STAM: variants seen among roughly 807,000 people sequenced by gnomAD.
STAM encodes signal transducing adapter molecule 1.
STAM carries 16 observed loss-of-function variants against 63.4 expected under a neutral mutation model. That is an observed-to-expected ratio of 0.25 (90% CI 0.17 to 0.38). STAM has a LOEUF of 0.38. Among genes scored for constraint, STAM ranks in the 10% least tolerant of loss-of-function variants. The pLI is 1.00. For synonymous variants in STAM, 238 were observed against 223.9 expected, an observed-to-expected ratio of 1.06 and a Z score of -0.56; for missense variants, 636 against 657.1, an observed-to-expected ratio of 0.97 and a Z score of 0.35.
chr10:17,670,776 A>G (rs782381190), intron 2 of STAM, among the ~76,000 whole-genome samples: 1 of 152,016 alleles, frequency 6.6e-6, no homozygotes, highest in Middle Eastern at 3.4e-3. Flanking sequence ...ACGTTCCATT[A>G]TCTCATAAGA....
chr10:17,690,457 G>GAAAT (rs1835483000), intron 5 of STAM, among the ~76,000 whole-genome samples: 1 of 152,066 alleles, frequency 6.6e-6, no homozygotes, highest in Non-Finnish European at 1.5e-5. Context: ...TCACCTACAA[G>GAAAT]AAATACATAT....
intron 1 of STAM, among the ~76,000 whole-genome samples, chr10:17,655,518 G>A (rs782019129): frequency 1.3e-5 from 2 of 152,162 alleles, no homozygotes; most frequent in Non-Finnish European, 2.9e-5. Flanking sequence ...AGGTGATGCT[G>A]TGATATATAG....
chr10:17,684,666 T>C lies in STAM; in HGVS notation c.126-9T>C, dbSNP rs1181297011. The C allele has an allele frequency of 5.0e-6, 8 of 1,606,412 alleles. No individual in the cohort carries two copies. The highest frequency in any genetic ancestry group is 1.3e-5 in the African/African-American group (1 of 74,496). On this transcript the variant is annotated splice_polypyrimidine_tract_variant and intron_variant, in intron 2 of 13. Transcript: ENST00000377524. ...TATTAAGTAATTTTTACTTTTCTCA[T>C]TTTTTTAGACCTAAGGATTGTCTTC... is the stretch of plus-strand genomic sequence containing the variant.
At chr10:17,687,852 G>GT (rs1307354223) in intron 4 of STAM, among the ~76,000 whole-genome samples, 175 bp from the exon 5 acceptor site, 8 of 152,018 alleles carry the variant, frequency 5.3e-5, no homozygotes, top group African/African-American at 1.9e-4. Flanking sequence ...TATATGATGG[G>GT]TTTTTTCATA....
intron 9 of STAM, among the ~76,000 whole-genome samples, chr10:17,702,369 A>G (rs1836035732): frequency 6.6e-6 from 1 of 152,208 alleles, no homozygotes; most frequent in Non-Finnish European, 1.5e-5. Context: ...GTTCAAGGAA[A>G]AAAACAATTT....
chr10:17,685,724 T>C (rs561949232), intron 4 of STAM, among the ~76,000 whole-genome samples: 15 of 152,234 alleles, frequency 9.9e-5, no homozygotes, highest in African/African-American at 3.6e-4. Flanking sequence ...TGCAGCTGGC[T>C]AGGTCACAGA....
Position 17,696,818 on chromosome 10 carries a change from T to A in STAM, c.772T>A (p.Leu258Ile). 6.2e-7 allele frequency: 1 copy of A among 1,614,110 alleles called. No homozygotes were observed. The highest frequency in any genetic ancestry group is 8.5e-7 in the Non-Finnish European group (1 of 1,179,964). Residue 258 changes from leucine to isoleucine, a missense_variant, in exon 8 of 14, where the codon TTA becomes ATA. Leu to Ile is a conservative substitution (Grantham distance 5). Transcript: ENST00000377524. Reference protein sequence around the residue: ...WKGETHQGIGLFPSNFVTADL... With the variant: ...WKGETHQGIGIFPSNFVTADL... ...AGGTGAAACCCATCAAGGCATAGGG[T>A]TATTTCCTTCTAATTTTGTGACTGC...
chr10:17,656,600 G>T (rs1322409298), intron 1 of STAM, among the ~76,000 whole-genome samples: 2 of 152,178 alleles, frequency 1.3e-5, no homozygotes, highest in Non-Finnish European at 2.9e-5. Flanking sequence ...TACCTGGGAT[G>T]AATCTTAATT....
At chr10:17,711,796 T>G (rs1214120031) in intron 13 of STAM, among the ~76,000 whole-genome samples, 7 of 152,244 alleles carry the variant, frequency 4.6e-5, no homozygotes, top group Middle Eastern at 6.8e-3. Flanking sequence ...GAAGAATGCT[T>G]GTTCTAGATA....
chr10:17,679,419 G>A (rs1036648683), intron 2 of STAM, among the ~76,000 whole-genome samples: 5 of 152,166 alleles, frequency 3.3e-5, no homozygotes, highest in East Asian at 1.9e-4. Flanking sequence ...GTTGTTGTTC[G>A]TTGTTGAGAT....
At chr10:17,706,356 C>G (rs1272177965) in intron 12 of STAM, among the ~76,000 whole-genome samples, 2 of 139,836 alleles carry the variant, frequency 1.4e-5, no homozygotes, top group Admixed American at 1.4e-4. Flanking sequence ...TCAGAATCCT[C>G]AGGGTTGAGG....
intron 4 of STAM, among the ~76,000 whole-genome samples, chr10:17,687,303 C>T (rs1360419173): frequency 6.6e-6 from 1 of 151,990 alleles, no homozygotes; most frequent in African/African-American, 2.4e-5. Flanking sequence ...GGTAAAACCC[C>T]GCGTCTGCTA....
intron 7 of STAM, 57 bp from the exon 8 acceptor site, chr10:17,696,718 G>A (rs1554827538): frequency 2.4e-6 from 3 of 1,270,092 alleles, no homozygotes; most frequent in Admixed American, 3.6e-5. Flanking sequence ...AAAAGATAAA[G>A]ATGTACAGAA....
intron 2 of STAM, among the ~76,000 whole-genome samples, chr10:17,661,562 A>T (rs1554822882): frequency 6.6e-6 from 1 of 152,186 alleles, no homozygotes; most frequent in Non-Finnish European, 1.5e-5. Context: ...ATATCGTTCT[A>T]TATAAGCCTT....
Position 17,716,804 on chromosome 10 carries a change from T to G in STAM, c.*2024T>G, listed in dbSNP as rs535880746. Reference sequence around the variant, plus strand: ...TTACATTACTAGCCTTATAAAGGTTTAAATGATGAGTACTTTAAAACTGTT... The same window carrying G: ...TTACATTACTAGCCTTATAAAGGTTGAAATGATGAGTACTTTAAAACTGTT... On this transcript the variant is annotated 3_prime_UTR_variant, in exon 14 of 14. Coordinates refer to ENST00000377524, the MANE Select transcript of STAM (RefSeq NM_003473.4). Among the ~76,000 whole-genome samples the G allele has an allele frequency of 6.6e-6, 1 of 152,346 alleles. No homozygotes were observed. The highest frequency in any genetic ancestry group is 2.1e-4 in the South Asian group (1 of 4,828).
chr10:17,679,820 T>A (rs1835007131), intron 2 of STAM, among the ~76,000 whole-genome samples: 1 of 152,136 alleles, frequency 6.6e-6, no homozygotes, highest in Non-Finnish European at 1.5e-5. Context: ...GGTAGTTTCC[T>A]GTCTTTGTAG....
intron 2 of STAM, among the ~76,000 whole-genome samples, chr10:17,663,434 CATT>C (rs1554823105): frequency 6.6e-6 from 1 of 152,026 alleles, no homozygotes; most frequent in African/African-American, 2.4e-5. Flanking sequence ...TTTTAATTGA[CATT>C]ATACTAAGTC....
intron 13 of STAM, among the ~76,000 whole-genome samples, chr10:17,713,034 T>C (rs540211385): frequency 1.3e-5 from 2 of 152,176 alleles, no homozygotes; most frequent in Non-Finnish European, 2.9e-5. Context: ...AGAACCCTGG[T>C]GATGCCCATA....
At chr10:17,703,246 A>C (rs533720785) in intron 9 of STAM, among the ~76,000 whole-genome samples, 1 of 151,646 alleles carries the variant, frequency 6.6e-6, no homozygotes, top group South Asian at 2.1e-4. Flanking sequence ...GTTTTTTAAG[A>C]CTGCTTAAAA....
Sources: allele counts gnomAD v4.1 joint callset (sites outside exome capture counted in the v4.1 genomes callset), GRCh38; gene constraint gnomAD v4.1.1; transcripts MANE v1.5; gene names NCBI Gene and HGNC (gene_info 2026-07-23, HGNC 2026-07-21).